CFTR: variants seen among roughly 807,000 people sequenced by gnomAD.
CFTR encodes the protein cystic fibrosis transmembrane conductance regulator.
CFTR carries 181 observed loss-of-function variants against 171.6 expected under a neutral mutation model. The observed-to-expected ratio is 1.05, with a 90% CI of 0.93 to 1.19. The LOEUF is 1.19. CFTR is among the 50% of genes most tolerant of loss of function. The probability of loss-of-function intolerance (pLI) is 0.00; values close to 1 mark genes in which losing one functional copy is unlikely to be tolerated. For synonymous variants in CFTR, 583 were observed against 608.0 expected (o/e 0.96, Z 0.60); for missense variants, 1,968 against 1,734.7 (o/e 1.13, Z -2.39).
intron 11 of CFTR, among the ~76,000 whole-genome samples, chr7:117,565,164 C>T (rs1227407558): frequency 6.6e-6 from 1 of 152,204 alleles, no homozygotes; most frequent in Non-Finnish European, 1.5e-5. Context: ...TGTGTCCAAA[C>T]CACCTTTAGA....
chr7:117,651,288 A>G (rs1793086023), intron 23 of CFTR, among the ~76,000 whole-genome samples: 1 of 152,234 alleles, frequency 6.6e-6, no homozygotes, highest in African/African-American at 2.4e-5. Context: ...GAACCACAAT[A>G]TAAAATGAAA....
rs775713428 is a variant in CFTR, at chr7:117,535,365, C to T, written c.697C>T (p.Leu233Phe). 7.4e-6 allele frequency: 12 copies of T among 1,613,890 alleles called. No homozygotes were observed. The highest frequency in any genetic ancestry group is 1.7e-5 in the Admixed American group (1 of 59,984). ...AFCGLGFLIV[L>F]ALFQAGLGRM... ...CTGTGGACTTGGTTTCCTGATAGTCCTTGCCCTTTTTCAGGCTGGGCTAGG... is the reference window on the plus strand; with the variant it reads ...CTGTGGACTTGGTTTCCTGATAGTCTTTGCCCTTTTTCAGGCTGGGCTAGG... Residue 233 changes from leucine to phenylalanine, a missense_variant, in exon 6 of 27, where the codon CTT becomes TTT. By Grantham distance (22) the Leu-to-Phe change is conservative. Coordinates refer to ENST00000003084, the MANE Select transcript of CFTR (RefSeq NM_000492.4).
intron 1 of CFTR, among the ~76,000 whole-genome samples, chr7:117,481,789 A>T (rs779647831): frequency 5.3e-5 from 8 of 152,238 alleles, no homozygotes; most frequent in Non-Finnish European, 1.2e-4. Context: ...AAAAGTGTAA[A>T]AAACATATTT....
intron 17 of CFTR, among the ~76,000 whole-genome samples, chr7:117,604,100 A>T (rs1792269231): frequency 6.6e-6 from 1 of 152,194 alleles, no homozygotes; most frequent in Non-Finnish European, 1.5e-5. Context: ...TCTTCTGGGC[A>T]TCTTGTTGCC....
At chr7:117,601,968 A>G (rs1297794335) in intron 15 of CFTR, among the ~76,000 whole-genome samples, 1 of 146,950 alleles carries the variant, frequency 6.8e-6, no homozygotes, top group Non-Finnish European at 1.5e-5. Context: ...TAGTCCTAGT[A>G]CCAATAATAT....
chr7:117,562,968 T>C (rs1791539631), intron 11 of CFTR, among the ~76,000 whole-genome samples: 2 of 152,172 alleles, frequency 1.3e-5, no homozygotes, highest in South Asian at 2.1e-4. Context: ...GGCCATGTCA[T>C]GGAGGCCTTG....
rs1792670534 is a variant in CFTR at position 117,627,561 on chromosome 7, C to T, written c.3508C>T (p.Pro1170Ser). 3 of 1,613,152 alleles carry T rather than the reference C, an allele frequency of 1.9e-6. No homozygotes were observed. Among genetic ancestry groups the T allele is most frequent in the East Asian group, 2.2e-5 (1 of 44,826 alleles). Reference protein sequence around the residue: ...VSRVFKFIDMPTEGKPTKSTK... With the variant: ...VSRVFKFIDMSTEGKPTKSTK... ...CCGAGTCTTTAAGTTCATTGACATGCCAACAGAAGGTAAACCTACCAAGTC... is the reference window on the plus strand; with the variant it reads ...CCGAGTCTTTAAGTTCATTGACATGTCAACAGAAGGTAAACCTACCAAGTC... The change falls in exon 22 of 27, where the codon CCA becomes TCA. Residue 1170 changes from proline to serine, a missense_variant. Coordinates refer to ENST00000003084, the MANE Select transcript of CFTR (RefSeq NM_000492.4).
chr7:117,568,129 G>T (rs1038044073), intron 11 of CFTR, among the ~76,000 whole-genome samples: 3 of 152,196 alleles, frequency 2.0e-5, no homozygotes, highest in African/African-American at 2.4e-5. Flanking sequence ...ACCCAAGAGA[G>T]CACTTTGCCC....
chr7:117,587,423 C>T (rs746641752), intron 11 of CFTR, among the ~76,000 whole-genome samples: 7 of 121,606 alleles, frequency 5.8e-5, no homozygotes, highest in Non-Finnish European at 1.1e-4. Flanking sequence ...TAAAATGGAC[C>T]TATGGATGAT....
At chr7:117,601,145 G>A (rs917479037) in intron 15 of CFTR, among the ~76,000 whole-genome samples, 1 of 151,976 alleles carries the variant, frequency 6.6e-6, no homozygotes, top group Non-Finnish European at 1.5e-5. Flanking sequence ...AAGAGGAAAT[G>A]TAATAACAAA....
chr7:117,503,321 C>T (rs1798361867), intron 1 of CFTR, among the ~76,000 whole-genome samples: 1 of 152,178 alleles, frequency 6.6e-6, no homozygotes, highest in Non-Finnish European at 1.5e-5. Context: ...GTTTGGGACT[C>T]ACTAAATCCC....
chr7:117,505,610 A>G (rs35278352), intron 2 of CFTR, among the ~76,000 whole-genome samples: 2,261 of 152,322 alleles, frequency 0.015, 57 homozygotes, highest in African/African-American at 0.051. Context: ...GAAAAATCCC[A>G]GAGACTCTTG....
Position 117,626,010 on chromosome 7 carries a change from G to A in CFTR, c.3469-1512G>A, listed in dbSNP as rs546597674. On this transcript the variant is annotated intron_variant, in intron 21 of 26. Transcript: ENST00000003084. ...TTTCTCTATCATTATTTAGGTTGTG[G>A]GCTTTGGGTCCTTTTCACATCCGTT... is the stretch of plus-strand genomic sequence containing the variant. Among the ~76,000 whole-genome samples the A allele has an allele frequency of 2.6e-5, 4 of 152,206 alleles. No individual in the cohort carries two copies. The South Asian group carries it at 8.3e-4, about 32-fold the overall frequency.
At chr7:117,481,209 A>G (rs943449316) in intron 1 of CFTR, among the ~76,000 whole-genome samples, 1 of 151,998 alleles carries the variant, frequency 6.6e-6, no homozygotes, top group Non-Finnish European at 1.5e-5. Context: ...CTTGAAGGAG[A>G]GCTCCTCCCT....
At position 117,559,506 on chromosome 7, in the gene CFTR, G is replaced by T. The variant is rs397508207; in HGVS notation, c.1435G>T (p.Glu479Ter). ...GATTATGGGAGAACTGGAGCCTTCA[G>T]AGGGTAAAATTAAGCACAGTGGAAG... ...MVIMGELEPS[E>*]GKIKHSGRIS... Residue 479 changes from glutamate to a stop codon, truncating the protein, a stop_gained, in exon 11 of 27, where the codon GAG becomes TAG. Coordinates refer to ENST00000003084, the MANE Select transcript of CFTR (RefSeq NM_000492.4). LOFTEE classifies it high-confidence loss of function. The T allele has an allele frequency of 6.2e-7, 1 of 1,612,068 alleles. No individual in the cohort carries two copies. Among genetic ancestry groups the T allele is most frequent in the East Asian group, 2.2e-5 (1 of 44,802 alleles).
intron 21 of CFTR, among the ~76,000 whole-genome samples, chr7:117,625,152 G>A (rs1392982213): frequency 1.3e-5 from 2 of 152,168 alleles, no homozygotes; most frequent in Non-Finnish European, 2.9e-5. Flanking sequence ...CTGCTCATAT[G>A]CTGTGAATGA....
At chr7:117,557,886 A>C (rs1468731658) in intron 10 of CFTR, among the ~76,000 whole-genome samples, 1 of 152,168 alleles carries the variant, frequency 6.6e-6, no homozygotes, top group African/African-American at 2.4e-5. Flanking sequence ...TCCTCCACAA[A>C]TATTTTTTGA....
At chr7:117,566,392 G>A (rs957683551) in intron 11 of CFTR, among the ~76,000 whole-genome samples, 7 of 151,970 alleles carry the variant, frequency 4.6e-5, no homozygotes, top group South Asian at 2.1e-4. Context: ...CTGAGATTGC[G>A]CCACTGCACT....
At chr7:117,614,431 T>C (rs910669493) in intron 20 of CFTR, among the ~76,000 whole-genome samples, 182 bp from the exon 21 acceptor site, 2 of 152,170 alleles carry the variant, frequency 1.3e-5, no homozygotes, top group African/African-American at 4.8e-5. Flanking sequence ...ATACTTACTA[T>C]ATGCAGAGCA....
Sources: gnomAD v4.1 joint callset for allele counts (sites outside exome capture counted in the v4.1 genomes callset) on GRCh38, gnomAD v4.1.1 for gene constraint, MANE v1.5 for transcripts, NCBI Gene and HGNC (gene_info 2026-07-23, HGNC 2026-07-21) for gene names.